The following TSPAN6 variants were observed in gnomAD, a reference collection of about 807,000 sequenced individuals.
TSPAN6 encodes the protein tetraspanin 6, also known as tetraspanin-6.
Under a neutral mutation model 18.0 loss-of-function variants are expected in TSPAN6, and 13 were observed. The ratio of observed to expected loss-of-function variants is 0.72; its 90% CI spans 0.47 to 1.15. The LOEUF is 1.15. Ranked by LOEUF, TSPAN6 falls within the 50% of genes most tolerant of loss-of-function variation. The pLI is 0.00. For missense variants in TSPAN6, 186 were observed against 183.9 expected (o/e 1.01, Z -0.07); for synonymous variants, 82 against 67.0 (o/e 1.22, Z -1.09).
intron 2 of TSPAN6, 75 bp from the exon 3 acceptor site, chrX:100,635,327 A>G: frequency 2.5e-6 from 2 of 801,897 alleles, no homozygotes; most frequent in East Asian, 6.9e-5. Flanking sequence ...CAAAGAAAAA[A>G]TAATGGTCGT....
chrX:100,635,299 C>T, intron 2 of TSPAN6, 47 bp from the exon 3 acceptor site: 1 of 971,444 alleles, frequency 1.0e-6, no homozygotes, highest in Non-Finnish European at 1.4e-6. Context: ...TAAGATATAG[C>T]ACAACTGCAA....
chrX:100,632,586 AC>A lies in TSPAN6; in HGVS notation c.586-19del. Reference sequence around the variant, plus strand: ...AAACAACCCTAATGGGAGGAAAAAAACAAAGATTAAATACAGCACAAGCAGC... The same window carrying A: ...AAACAACCCTAATGGGAGGAAAAAAAAAAGATTAAATACAGCACAAGCAGC... On this transcript the variant is annotated intron_variant, in intron 5 of 7. Transcript: ENST00000373020. The A allele has an allele frequency of 9.0e-7, 1 of 1,108,735 alleles. No homozygotes were observed. Among genetic ancestry groups the A allele is most frequent in the Non-Finnish European group, 1.2e-6 (1 of 807,164 alleles). 91.4% of individuals were successfully genotyped at this position (1,108,735 alleles called of 1,213,427 possible).
intron 6 of TSPAN6, among the ~76,000 whole-genome samples, chrX:100,631,601 A>G (rs1406882071): frequency 8.9e-6 from 1 of 112,096 alleles, no homozygotes; most frequent in Non-Finnish European, 1.9e-5. Context: ...CAACTGGTGC[A>G]TAAGGAATGT....
At position 100,634,012 on chromosome X, in the gene TSPAN6, C is replaced by T; in HGVS notation, c.369G>A (p.Lys123=). ...VFRHEIKNSF[K]NNYEKALKQY... ...GCTTCAAAGCCTTCTCATAATTATT[C>T]TTAAAGCTGTTCTTAATCTATAGCA... Residue 123 remains lysine (K), a synonymous_variant, in exon 4 of 8, where the codon AAG becomes AAA. Coordinates refer to ENST00000373020, the MANE Select transcript of TSPAN6 (RefSeq NM_003270.4). 1 of 1,189,204 alleles carries T rather than the reference C, an allele frequency of 8.4e-7. No homozygotes were observed.
chrX:100,631,299 G>T (rs183461724), intron 6 of TSPAN6, among the ~76,000 whole-genome samples: 231 of 112,311 alleles, frequency 2.1e-3, no homozygotes, highest in Admixed American at 3.7e-3. Flanking sequence ...GATATAGTAG[G>T]CAGCAGCCAC....
In TSPAN6 at chrX:100,633,404, C is replaced by T; in HGVS notation, c.585+1G>A. 1 of 1,209,083 alleles carries T rather than the reference C, an allele frequency of 8.3e-7. No individual in the cohort carries two copies. Among genetic ancestry groups the T allele is most frequent in the Non-Finnish European group, 1.1e-6 (1 of 893,909 alleles). ...ATAGAAAATTTTAAAAGGCACCTTACTTCATTGTTTACTTTGTCTGCATCT... is the reference window on the plus strand; with the variant it reads ...ATAGAAAATTTTAAAAGGCACCTTATTTCATTGTTTACTTTGTCTGCATCT... On this transcript the variant is annotated splice_donor_variant, in intron 5 of 7. Transcript: ENST00000373020. LOFTEE classifies it high-confidence loss of function.
chrX:100,633,057 G>A (rs760952738), intron 5 of TSPAN6, among the ~76,000 whole-genome samples: 1 of 112,414 alleles, frequency 8.9e-6, no homozygotes, highest in Non-Finnish European at 1.9e-5. Flanking sequence ...AGTGGCTCAC[G>A]CCTGTAATCC....
intron 2 of TSPAN6, 123 bp downstream of exon 2, chrX:100,635,435 A>T (rs113029811): frequency 8.4e-5 from 60 of 711,666 alleles, no homozygotes; most frequent in Non-Finnish European, 1.2e-4. Flanking sequence ...CTGTTACTTG[A>T]TAAGTTTCCA....
chrX:100,632,674 A>G (rs2083067995), intron 5 of TSPAN6, 106 bp from the exon 6 acceptor site: 1 of 511,820 alleles, frequency 2.0e-6, no homozygotes, highest in Admixed American at 3.8e-5. Flanking sequence ...AGATATATTT[A>G]TGGTAATAAA....
intron 7 of TSPAN6, 39 bp from the exon 8 acceptor site, chrX:100,630,025 A>G: frequency 1.4e-6 from 1 of 709,384 alleles, no homozygotes; most frequent in Non-Finnish European, 1.7e-6. Flanking sequence ...CTTGTTACCC[A>G]AATTTCAACA....
At chrX:100,636,130 A>G in intron 1 of TSPAN6, 3 of 775,489 alleles carry the variant, frequency 3.9e-6, no homozygotes, top group Non-Finnish European at 4.6e-6. Flanking sequence ...GGTACAAAGG[A>G]CTGGTACACA....
At chrX:100,631,491 T>TA (rs1003162958) in intron 6 of TSPAN6, among the ~76,000 whole-genome samples, 7 of 110,032 alleles carry the variant, frequency 6.4e-5, no homozygotes, top group African/African-American at 6.6e-5. Flanking sequence ...GTGTTTAATA[T>TA]AAAAAAAAAC....
chrX:100,627,136 A>C lies in TSPAN6; in HGVS notation c.*2890T>G, dbSNP rs1213148725. 1 of 111,502 alleles carries C rather than the reference A, an allele frequency of 9.0e-6. No homozygotes were observed. The highest frequency in any genetic ancestry group is 3.3e-5 in the African/African-American group (1 of 30,664). The allele number at this position is 111,502 out of a possible 1,213,427, so 9.2% of individuals were successfully genotyped here. On this transcript the variant is annotated 3_prime_UTR_variant, in exon 8 of 8. Transcript: ENST00000373020. The stretch of plus-strand genomic sequence containing the variant: ...CTTGTATTAGGTATTTATTTCCACA[A>C]AAGTTTGATGCTTACAACATAAACC...
At position 100,627,116 on chromosome X, in the gene TSPAN6, A is replaced by AT. The variant is rs1277006170; in HGVS notation, c.*2909dup. On this transcript the variant is annotated 3_prime_UTR_variant, in exon 8 of 8. Transcript: ENST00000373020. ...ACCAGAAATGGTATTTATACCTTGTATTAGGTATTTATTTCCACAAAAGTT... is the reference window on the plus strand; with the variant it reads ...ACCAGAAATGGTATTTATACCTTGTATTTAGGTATTTATTTCCACAAAAGTT... The AT allele has an allele frequency of 9.0e-6, 1 of 111,727 alleles. No individual in the cohort carries two copies. The highest frequency in any genetic ancestry group is 3.3e-5 in the African/African-American group (1 of 30,706). The allele number at this position is 111,727 out of a possible 1,213,427, so 9.2% of individuals were successfully genotyped here.
intron 5 of TSPAN6, 30 bp from the exon 6 acceptor site, chrX:100,632,598 T>C: frequency 2.0e-6 from 2 of 1,021,602 alleles, no homozygotes. Flanking sequence ...AAAGATTAAA[T>C]ACAGCACAAG....
In TSPAN6 at chrX:100,635,264, G is replaced by C. The variant is rs753996636; in HGVS notation, c.277-12C>G. ...AGAAACATTGCATACTGCAGGATAAGAAAGAAAGTCCAAGTCAGCATAAAT... is the reference window on the plus strand; with the variant it reads ...AGAAACATTGCATACTGCAGGATAACAAAGAAAGTCCAAGTCAGCATAAAT... On this transcript the variant is annotated splice_polypyrimidine_tract_variant and intron_variant, in intron 2 of 7. Coordinates refer to ENST00000373020, the MANE Select transcript of TSPAN6 (RefSeq NM_003270.4). 8.6e-7 allele frequency: 1 copy of C among 1,161,578 alleles called. No individual in the cohort carries two copies. The highest frequency in any genetic ancestry group is 2.2e-5 in the Admixed American group (1 of 44,694).
chrX:100,635,807 C>T (rs751631013), intron 1 of TSPAN6, 61 bp from the exon 2 acceptor site: 97 of 920,289 alleles, frequency 1.1e-4, no homozygotes, highest in Non-Finnish European at 1.3e-4. Flanking sequence ...ATCTTCAAAT[C>T]ACAACGCATG....
chrX:100,635,171 G>A lies in TSPAN6; in HGVS notation c.351+7C>T, dbSNP rs1178786769. ...TAACATGCTAAGCTTCCCTAATTCA[G>A]GCTTACCTCATGTCTGAAAACAAAT... On this transcript the variant is annotated splice_region_variant and intron_variant, in intron 3 of 7. Transcript: ENST00000373020. 1.7e-6 allele frequency: 2 copies of A among 1,184,235 alleles called. No individual in the cohort carries two copies. The highest frequency in any genetic ancestry group is 2.3e-6 in the Non-Finnish European group (2 of 876,948).
chrX:100,633,333 A>C, intron 5 of TSPAN6, 72 bp downstream of exon 5: 8 of 1,096,187 alleles, frequency 7.3e-6, no homozygotes, highest in Non-Finnish European at 1.0e-5. Context: ...AAAAAATTAA[A>C]AACTGGGTCA....
Sources: allele counts gnomAD v4.1 joint callset (sites outside exome capture counted in the v4.1 genomes callset), GRCh38; gene constraint gnomAD v4.1.1; transcripts MANE v1.5; gene names NCBI Gene and HGNC (gene_info 2026-07-23, HGNC 2026-07-21).